The following C2 variants were observed in gnomAD, a reference collection of about 807,000 sequenced individuals.
The protein encoded by C2 is complement C2, also known as C3/C5 convertase.
In C2, 64 loss-of-function variants were observed where a neutral mutation model predicts 85.2. That is an observed-to-expected ratio of 0.75 (90% CI 0.61 to 0.92). The LOEUF (loss-of-function observed/expected upper bound fraction) is 0.92, where lower values mean the gene tolerates loss of function less well. C2 is among the 40% of genes least tolerant of loss of function. C2 has a pLI of 0.00. For missense variants in C2, 820 were observed against 971.6 expected, an observed-to-expected ratio of 0.84 and a Z score of 2.07; for synonymous variants, 311 against 370.8, an observed-to-expected ratio of 0.84 and a Z score of 1.85.
chr6:31,906,376 C>T (rs1203774748), intron 1 of C2, among the ~76,000 whole-genome samples: 3 of 151,874 alleles, frequency 2.0e-5, no homozygotes, highest in Admixed American at 6.6e-5. Flanking sequence ...CCTAGCTCTT[C>T]GGAGCCCTCT....
chr6:31,941,007 C>G (rs1770836143), intron 9 of C2, among the ~76,000 whole-genome samples: 2 of 152,186 alleles, frequency 1.3e-5, no homozygotes, highest in Admixed American at 1.3e-4. Context: ...CTGACTGGCA[C>G]CACAGTCGGA....
rs779783858 is a variant in C2 at position 31,928,125 on chromosome 6, C to T, written c.217C>T (p.Pro73Ser). Residue 73 changes from proline (P) to serine (S), a missense_variant, in exon 2 of 18, where the codon CCA becomes TCA. Pro to Ser is a moderately conservative substitution (Grantham distance 74). Coordinates refer to ENST00000299367, the MANE Select transcript of C2 (RefSeq NM_000063.6). The stretch of plus-strand genomic sequence containing the variant: ...CAAGAGCAGCGGACAGTGGCAGACC[C>T]CAGGAGCCACCCGGTCTCTGTCTAA... Reference protein sequence around the residue: ...LCKSSGQWQTPGATRSLSKAV... With the variant: ...LCKSSGQWQTSGATRSLSKAV... The T allele has an allele frequency of 2.0e-5, 33 of 1,613,004 alleles. No individual in the cohort carries two copies. The highest frequency in any genetic ancestry group is 6.7e-5 in the Admixed American group (4 of 59,980).
At chr6:31,902,503 C>T (rs554253657) in intron 1 of C2, among the ~76,000 whole-genome samples, 1 of 152,236 alleles carries the variant, frequency 6.6e-6, no homozygotes, top group African/African-American at 2.4e-5. Context: ...CTGGGTGCAT[C>T]CGTGGCACCT....
chr6:31,933,733 G>A lies in C2; in HGVS notation c.566G>A (p.Arg189Gln), dbSNP rs764340299. Residue 189 changes from arginine (R) to glutamine (Q), a missense_variant, in exon 4 of 18, where the codon CGG becomes CAG. By Grantham distance (43) the Arg-to-Gln change is conservative. Coordinates refer to ENST00000299367, the MANE Select transcript of C2 (RefSeq NM_000063.6). ...CTTGTGCTCACGGGGTCTTCGGAGC[G>A]GGAGTGCCAGGGCAACGGGGTCTGG... ...SNLVLTGSSE[R>Q]ECQGNGVWSG... The A allele has an allele frequency of 2.5e-6, 4 of 1,613,448 alleles. No individual in the cohort carries two copies. The highest frequency in any genetic ancestry group is 2.7e-5 in the African/African-American group (2 of 74,950).
rs1372499833 is a variant in C2 at position 31,933,698 on chromosome 6, C to A, written c.531C>A (p.Cys177Ter). 6.2e-7 allele frequency: 1 copy of A among 1,613,250 alleles called. No individual in the cohort carries two copies. The highest frequency in any genetic ancestry group is 1.7e-5 in the Admixed American group (1 of 60,036). The change falls in exon 4 of 18, where the codon TGC becomes TGA. Residue 177 changes from cysteine (C) to a stop codon, truncating the protein, a stop_gained. Transcript: ENST00000299367. LOFTEE classifies it high-confidence loss of function. The stretch of plus-strand genomic sequence containing the variant: ...ATGGGGACAAGGTCCGCTATCGCTG[C>A]TCCTCGAATCTTGTGCTCACGGGGT... ...FGHGDKVRYRCSSNLVLTGSS... is the reference protein window; with the variant it reads ...FGHGDKVRYR
In C2 at chr6:31,937,345, AC is replaced by A; in HGVS notation, c.1017del (p.Tyr340MetfsTer4). ...KDHENGTGTNTYAALNSVYLM... is the reference protein window; with the variant it reads ...KDHENGTGTNXYAALNSVYLM... ...TCATGAAAATGGAACTGGGACTAAC[AC>A]CTATGCGGCCTTAAACAGTGTCTAT... On this transcript the variant is annotated frameshift_variant, in exon 8 of 18. Coordinates refer to ENST00000299367, the MANE Select transcript of C2 (RefSeq NM_000063.6). LOFTEE classifies it high-confidence loss of function. The A allele has an allele frequency of 6.2e-7, 1 of 1,612,854 alleles. No homozygotes were observed. The highest frequency in any genetic ancestry group is 1.1e-5 in the South Asian group (1 of 91,082).
Position 31,928,015 on chromosome 6 carries a change from C to T in C2, c.107C>T (p.Thr36Ile). Residue 36 changes from threonine (T) to isoleucine (I), a missense_variant, in exon 2 of 18, where the codon ACC becomes ATC. Transcript: ENST00000299367. ...QNVNISGGTF[T>I]LSHGWAPGSL... ...GTGAATATCTCGGGTGGCACCTTCA[C>T]CCTCAGCCATGGCTGGGCTCCTGGG... 6.2e-7 allele frequency: 1 copy of T among 1,614,218 alleles called. No homozygotes were observed. Among genetic ancestry groups the T allele is most frequent in the Non-Finnish European group, 8.5e-7 (1 of 1,180,026 alleles).
intron 3 of C2, among the ~76,000 whole-genome samples, chr6:31,932,052 C>T (rs1365520528): frequency 2.3e-5 from 3 of 133,156 alleles, no homozygotes; most frequent in South Asian, 2.5e-4. Context: ...TCCTCACTTC[C>T]CAGCAGGGGC....
At chr6:31,934,380 C>T (rs781428980) in intron 6 of C2, 81 bp downstream of exon 6, 8 of 1,576,788 alleles carry the variant, frequency 5.1e-6, no homozygotes, top group Admixed American at 1.7e-5. Context: ...TCCTCAGAAC[C>T]CCACTCACAG....
chr6:31,900,919 G>A (rs1767194384), upstream of C2: 1 of 1,614,142 alleles, frequency 6.2e-7, no homozygotes, highest in Non-Finnish European at 8.5e-7. This position sits in a 1 kb window ranked among gnomAD's most constrained non-coding sequence, Gnocchi z 9.7. Context: ...GGCCTATTTT[G>A]GGCTCAATGA....
At position 31,934,286 on chromosome 6, in the gene C2, T is replaced by C; in HGVS notation, c.836T>C (p.Leu279Pro). The C allele has an allele frequency of 3.1e-6, 5 of 1,614,096 alleles. No homozygotes were observed. Among genetic ancestry groups the C allele is most frequent in the Non-Finnish European group, 4.2e-6 (5 of 1,179,976 alleles). Reference sequence around the variant, plus strand: ...CTCATCTTCAAGGAGAGCGCCTCCCTCATGGTGGACAGGGTCAGGAATCAG... The same window carrying C: ...CTCATCTTCAAGGAGAGCGCCTCCCCCATGGTGGACAGGGTCAGGAATCAG... ...DFLIFKESAS[L>P]MVDRIFSFEI... is the part of the protein sequence containing the mutation. Residue 279 changes from leucine (L) to proline (P), a missense_variant, in exon 6 of 18, where the codon CTC becomes CCC. By Grantham distance (98) the Leu-to-Pro change is moderately conservative. Coordinates refer to ENST00000299367, the MANE Select transcript of C2 (RefSeq NM_000063.6).
chr6:31,932,705 A>C (rs575560456), intron 3 of C2, among the ~76,000 whole-genome samples: 2 of 151,918 alleles, frequency 1.3e-5, no homozygotes, highest in Admixed American at 1.3e-4. Flanking sequence ...CTCACTTCCC[A>C]GACGGGGTGG....
At chr6:31,936,097 A>T (rs1481381788) in intron 7 of C2, 36 bp downstream of exon 7, 1 of 1,609,940 alleles carries the variant, frequency 6.2e-7, no homozygotes, top group Non-Finnish European at 8.5e-7. Flanking sequence ...ATGAGAGAGG[A>T]GAAGATGGAC....
chr6:31,934,373 T>A, intron 6 of C2, 74 bp downstream of exon 6: 2 of 1,598,450 alleles, frequency 1.3e-6, no homozygotes, highest in Non-Finnish European at 1.7e-6. Flanking sequence ...CTTCCCCTCC[T>A]CAGAACCCCA....
In C2 at chr6:31,945,024, T is replaced by A. The variant is rs772164562; in HGVS notation, c.2074T>A (p.Phe692Ile). Residue 692 changes from phenylalanine (F) to isoleucine (I), a missense_variant, in exon 17 of 18, where the codon TTT (phenylalanine) becomes ATT (isoleucine). Coordinates refer to ENST00000299367, the MANE Select transcript of C2 (RefSeq NM_000063.6). This position sits in a 1 kb window ranked among gnomAD's most constrained non-coding sequence, Gnocchi z 5.3. ...TTTCCTTGAGCGGAGATTCAGGTTT[T>A]TTCAGGTGAGAAGGTAGAAGCTTGC... ...AVFLERRFRF[F>I]QVGLVSWGLY... 5 of 1,612,902 alleles carry A rather than the reference T, an allele frequency of 3.1e-6. No individual in the cohort carries two copies. The African/African-American group carries it at 6.7e-5, about 22-fold the overall frequency.
intron 9 of C2, among the ~76,000 whole-genome samples, chr6:31,942,507 G>T (rs1770968885): frequency 6.6e-6 from 1 of 151,880 alleles, no homozygotes; most frequent in African/African-American, 2.4e-5. Flanking sequence ...TGCCCAGGCT[G>T]GTCTCAAACT....
Position 31,943,430 on chromosome 6 carries a change from G to C in C2, c.1470G>C (p.Glu490Asp). 1.2e-6 allele frequency: 2 copies of C among 1,613,082 alleles called. No homozygotes were observed. Among genetic ancestry groups the C allele is most frequent in the East Asian group, 2.2e-5 (1 of 44,890 alleles). The change falls in exon 12 of 18, where the codon GAG (glutamate) becomes GAC (aspartate). Residue 490 changes from glutamate (E) to aspartate (D), a missense_variant. Glu to Asp is a conservative substitution (Grantham distance 45, BLOSUM62 2). Transcript: ENST00000299367. This position sits in a 1 kb window ranked among gnomAD's most constrained non-coding sequence, Gnocchi z 6.4. The stretch of plus-strand genomic sequence containing the variant: ...TTCCCCTGCAGCCCAAGAGCCAAGA[G>C]ACCTGCCGGGGGGCCCTCATCTCCG... ...WHVTIKPKSQETCRGALISDQ... is the reference protein window; with the variant it reads ...WHVTIKPKSQDTCRGALISDQ...
At chr6:31,897,787 T>G, upstream of C2, 2 of 968,508 alleles carry the variant, frequency 2.1e-6, no homozygotes, top group East Asian at 4.8e-5. Flanking sequence ...TTTTTGGCCA[T>G]TTTCCCCTGA....
At position 31,943,001 on chromosome 6, in the gene C2, G is replaced by A. The variant is rs756916740; in HGVS notation, c.1262G>A (p.Arg421Lys). 3.8e-5 allele frequency: 62 copies of A among 1,612,962 alleles called. No homozygotes were observed. Among genetic ancestry groups the A allele is most frequent in the Non-Finnish European group, 5.1e-5 (60 of 1,180,038 alleles). Reference protein sequence around the residue: ...IGVGKLDVDWRELNELGSKKD... With the variant: ...IGVGKLDVDWKELNELGSKKD... ...GTGGGCAAGCTGGATGTGGACTGGA[G>A]AGAACTGAATGAGCTAGGGTCCAAG... is the stretch of plus-strand genomic sequence containing the variant. The change falls in exon 10 of 18, where the codon AGA becomes AAA. Residue 421 changes from arginine (R) to lysine (K), a missense_variant. Physicochemically the swap from Arg to Lys is conservative, Grantham distance 26. Transcript: ENST00000299367. The surrounding 1 kb of genome is among the most constrained non-coding windows in gnomAD (Gnocchi z 6.4).
Sources: gnomAD v4.1 joint callset for allele counts (sites outside exome capture counted in the v4.1 genomes callset) on GRCh38, gnomAD v4.1.1 for gene constraint, Gnocchi (gnomAD v3.1) non-coding constraint, MANE v1.5 for transcripts, NCBI Gene and HGNC (gene_info 2026-07-23, HGNC 2026-07-21) for gene names.